KIAA2012: variants seen among roughly 807,000 people sequenced by gnomAD.
KIAA2012 encodes KIAA2012, also known as uncharacterized protein KIAA2012.
In KIAA2012, 125 loss-of-function variants were observed where a neutral mutation model predicts 150.6. The ratio of observed to expected loss-of-function variants is 0.83; its 90% CI spans 0.72 to 0.96. The LOEUF (loss-of-function observed/expected upper bound fraction) is 0.96, where lower values mean the gene tolerates loss of function less well. KIAA2012 is among the 40% of genes least tolerant of loss of function. KIAA2012 has a pLI of 0.00. For synonymous variants in KIAA2012, 462 were observed against 504.7 expected, an observed-to-expected ratio of 0.92 and a Z score of 1.13; for missense variants, 1,219 against 1,354.9, an observed-to-expected ratio of 0.90 and a Z score of 1.57.
At position 202,201,837 on chromosome 2, in the gene KIAA2012, G is replaced by A. The variant is rs545185678; in HGVS notation, c.3408-592G>A. 3.9e-4 allele frequency: 495 copies of A among 1,283,644 alleles called. 2 individuals are homozygous for A. The South Asian group carries it at 5.3e-3, about 14-fold the overall frequency. 79.5% of individuals were successfully genotyped at this position (1,283,644 alleles called of 1,614,324 possible). On this transcript the variant is annotated intron_variant, in intron 22 of 23. Transcript: ENST00000498697. ...CTGAGGGTAGACTGGATTCCCAGGA[G>A]GCTGCACAGGCTAGGTTGGCTGTGT...
At chr2:202,075,226 G>T in intron 2 of KIAA2012, 51 bp downstream of exon 2, 1 of 1,476,940 alleles carries the variant, frequency 6.8e-7, no homozygotes, top group African/African-American at 1.4e-5. Flanking sequence ...AGCATGTCTA[G>T]AAACCCAGTT....
intron 14 of KIAA2012, among the ~76,000 whole-genome samples, chr2:202,156,950 G>A (rs1007357819): frequency 1.3e-5 from 2 of 152,162 alleles, no homozygotes; most frequent in Non-Finnish European, 2.9e-5. Flanking sequence ...ATAATTGCTT[G>A]TATATTTAGT....
In KIAA2012 at chr2:202,153,915, C is replaced by G. The variant is rs150414405; in HGVS notation, c.1909-758C>G. Among the ~76,000 whole-genome samples, 86 of 152,244 alleles carry G rather than the reference C, an allele frequency of 5.6e-4. No homozygotes were observed. The South Asian group carries it at 0.017, about 29-fold the overall frequency. ...TGGCCTTCCTCTTGAGGACAATGGC[C>G]TTTGAAGGTATCAAGCAGAGAAGTG... is the stretch of plus-strand genomic sequence containing the variant. On this transcript the variant is annotated intron_variant, in intron 13 of 23. Coordinates refer to ENST00000498697, the MANE Select transcript of KIAA2012 (RefSeq NM_001277372.4).
intron 2 of KIAA2012, among the ~76,000 whole-genome samples, chr2:202,077,318 T>A (rs1205448103): frequency 6.6e-6 from 1 of 152,156 alleles, no homozygotes; most frequent in Non-Finnish European, 1.5e-5. Flanking sequence ...CTGCCCAGAG[T>A]AAGAATACCT....
chr2:202,087,373 C>T (rs10804131), intron 2 of KIAA2012, among the ~76,000 whole-genome samples: 45,243 of 151,754 alleles, frequency 0.3, 7,192 homozygotes, highest in East Asian at 0.38. Flanking sequence ...ATTAGCCAGG[C>T]ATTGTGGCAC....
intron 15 of KIAA2012, among the ~76,000 whole-genome samples, chr2:202,177,419 G>A (rs900802462): frequency 5.9e-5 from 9 of 152,148 alleles, no homozygotes; most frequent in African/African-American, 9.7e-5. Context: ...CTGAGATTGG[G>A]TAATTTATGA....
intron 14 of KIAA2012, among the ~76,000 whole-genome samples, chr2:202,158,031 G>C (rs2105714976): frequency 6.6e-6 from 1 of 151,820 alleles, no homozygotes; most frequent in Admixed American, 6.6e-5. Context: ...GTCTCTCTCT[G>C]TCACTCAGGC....
intron 12 of KIAA2012, among the ~76,000 whole-genome samples, chr2:202,131,537 CAA>C (rs1325872146): frequency 6.6e-6 from 1 of 152,194 alleles, no homozygotes; most frequent in Non-Finnish European, 1.5e-5. Context: ...ATGGTAGGCA[CAA>C]AAATACAGTT....
intron 9 of KIAA2012, among the ~76,000 whole-genome samples, chr2:202,108,502 T>C (rs1007937511): frequency 2.0e-5 from 3 of 152,258 alleles, no homozygotes; most frequent in African/African-American, 7.2e-5. Context: ...CTCTTTAGAA[T>C]CTTTTCATCT....
At chr2:202,204,776 G>T (rs1233482230) in intron 23 of KIAA2012, among the ~76,000 whole-genome samples, 1 of 152,040 alleles carries the variant, frequency 6.6e-6, no homozygotes, top group Non-Finnish European at 1.5e-5. Flanking sequence ...ACACTAGATA[G>T]TATCAGTCAT....
At chr2:202,129,715 A>C (rs1218448729) in intron 12 of KIAA2012, among the ~76,000 whole-genome samples, 2 of 152,138 alleles carry the variant, frequency 1.3e-5, no homozygotes, top group Admixed American at 1.3e-4. Context: ...TCATGGCTGT[A>C]ATCTCAGCAC....
At chr2:202,204,072 TTTTG>T (rs1026681677) in intron 23 of KIAA2012, among the ~76,000 whole-genome samples, 2 of 66,340 alleles carry the variant, frequency 3.0e-5, no homozygotes, top group Non-Finnish European at 6.1e-5. Flanking sequence ...CCCAGCGGTT[TTTTG>T]TTTTTTTTTT....
intron 16 of KIAA2012, 48 bp downstream of exon 16, chr2:202,184,891 G>T: frequency 6.9e-7 from 1 of 1,452,346 alleles, no homozygotes; most frequent in Non-Finnish European, 9.3e-7. Context: ...CTTTTATTTT[G>T]TTTGTATTTT....
chr2:202,193,653 C>T, intron 20 of KIAA2012, 150 bp downstream of exon 20: 1 of 761,734 alleles, frequency 1.3e-6, no homozygotes. Context: ...CCTCAGTTTT[C>T]CTAGGAACAA....
chr2:202,199,204 C>T (rs1389934570), intron 22 of KIAA2012, among the ~76,000 whole-genome samples: 5 of 152,202 alleles, frequency 3.3e-5, no homozygotes, highest in African/African-American at 1.2e-4. Context: ...TTGATACTAA[C>T]TGGCTTTATT....
chr2:202,144,511 T>C (rs7596957), intron 13 of KIAA2012, among the ~76,000 whole-genome samples: 31 of 152,062 alleles, frequency 2.0e-4, no homozygotes, highest in African/African-American at 7.2e-4. Flanking sequence ...AAAAACAACA[T>C]GCACACGAAA....
chr2:202,167,376 C>A (rs765148577), intron 15 of KIAA2012, among the ~76,000 whole-genome samples: 1 of 152,194 alleles, frequency 6.6e-6, no homozygotes. Context: ...TAGATCTGGG[C>A]TGAGGCCTGA....
intron 12 of KIAA2012, among the ~76,000 whole-genome samples, chr2:202,132,735 A>ATG (rs1559215403): frequency 4.3e-5 from 4 of 92,188 alleles, no homozygotes; most frequent in Admixed American, 2.8e-4. Flanking sequence ...TATAGTATAT[A>ATG]TGTATATATA....
intron 12 of KIAA2012, among the ~76,000 whole-genome samples, chr2:202,131,525 C>A (rs1443221256): frequency 6.6e-6 from 1 of 152,220 alleles, no homozygotes; most frequent in Non-Finnish European, 1.5e-5. Flanking sequence ...GTGACAAATA[C>A]TATGGTAGGC....
Sources: gnomAD v4.1 joint callset for allele counts (sites outside exome capture counted in the v4.1 genomes callset) on GRCh38, gnomAD v4.1.1 for gene constraint, MANE v1.5 for transcripts, NCBI Gene and HGNC (gene_info 2026-07-23, HGNC 2026-07-21) for gene names.